FANCA: variants seen among roughly 807,000 people sequenced by gnomAD.
FANCA encodes FA complementation group A.
FANCA carries 236 observed loss-of-function variants against 194.3 expected under a neutral mutation model. That is an observed-to-expected ratio of 1.21 (90% CI 1.09 to 1.35). The LOEUF (loss-of-function observed/expected upper bound fraction) is 1.35. FANCA is among the 40% of genes most tolerant of loss of function. The probability of loss-of-function intolerance (pLI) is 0.00; values close to 1 mark genes in which losing one functional copy is unlikely to be tolerated. For synonymous variants in FANCA, 1,014 were observed against 715.8 expected, an observed-to-expected ratio of 1.42 and a Z score of -6.65; for missense variants, 2,628 against 1,813.9, an observed-to-expected ratio of 1.45 and a Z score of -8.15.
At chr16:89,739,318 C>T in intron 40 of FANCA, 29 bp from the exon 41 acceptor site, 8 of 1,613,848 alleles carry the variant, frequency 5.0e-6, no homozygotes, top group South Asian at 3.3e-5. Context: ...TGACAAATGG[C>T]TACAGACTGC....
Position 89,752,231 on chromosome 16 carries a change from A to G in FANCA, c.2982-9T>C. 1 of 1,608,782 alleles carries G rather than the reference A, an allele frequency of 6.2e-7. No homozygotes were observed. The highest frequency in any genetic ancestry group is 8.5e-7 in the Non-Finnish European group (1 of 1,175,420). On this transcript the variant is annotated splice_polypyrimidine_tract_variant and intron_variant, in intron 30 of 42. Transcript: ENST00000389301. ...GGTCATAACTCCTTGAGCTGAAATGAAAATACAATAAAATCCTCCTCAGTA... is the reference window on the plus strand; with the variant it reads ...GGTCATAACTCCTTGAGCTGAAATGGAAATACAATAAAATCCTCCTCAGTA...
At chr16:89,771,008 T>C (rs1232429238) in intron 23 of FANCA, among the ~76,000 whole-genome samples, 1 of 151,794 alleles carries the variant, frequency 6.6e-6, no homozygotes, top group East Asian at 1.9e-4. Context: ...TTACTAAAAA[T>C]ACAAAAATTA....
At chr16:89,788,195 G>A (rs1304892689) in intron 14 of FANCA, among the ~76,000 whole-genome samples, 1 of 152,146 alleles carries the variant, frequency 6.6e-6, no homozygotes, top group Non-Finnish European at 1.5e-5. Flanking sequence ...AAGTGCGTTG[G>A]CTCATGCCTG....
At position 89,783,049 on chromosome 16, in the gene FANCA, T is replaced by C. The variant is rs1396004023; in HGVS notation, c.1524A>G (p.Thr508=). 1.2e-6 allele frequency: 2 copies of C among 1,613,810 alleles called. No individual in the cohort carries two copies. The highest frequency in any genetic ancestry group is 1.7e-6 in the Non-Finnish European group (2 of 1,179,918). ...GTGTCTTGGCCAATGAGATGTAGTC[T>C]GTGAGGAGGGAGCGGTACTTGCCGG... ...LVPGKYRSLL[T]DYISLAKTRL... The change falls in exon 16 of 43, where the codon ACA becomes ACG. Residue 508 remains threonine, a synonymous_variant. Transcript: ENST00000389301.
intron 8 of FANCA, among the ~76,000 whole-genome samples, chr16:89,801,352 A>G (rs1375108180): frequency 1.3e-5 from 2 of 151,800 alleles, no homozygotes; most frequent in African/African-American, 4.8e-5. Context: ...TCAAAAAAAA[A>G]AAAAAAAAAG....
chr16:89,813,217 C>T (rs1006772697), intron 3 of FANCA, among the ~76,000 whole-genome samples: 2 of 151,752 alleles, frequency 1.3e-5, no homozygotes, highest in African/African-American at 2.4e-5. Flanking sequence ...GAGTTTGAGA[C>T]CAGCCTGGGC....
intron 10 of FANCA, among the ~76,000 whole-genome samples, chr16:89,796,751 G>A (rs533665386): frequency 4.6e-5 from 7 of 152,302 alleles, no homozygotes; most frequent in South Asian, 2.1e-4. Context: ...AGCCGGGCAC[G>A]GTGGCTCATG....
intron 30 of FANCA, among the ~76,000 whole-genome samples, chr16:89,757,765 C>G (rs1449535017): frequency 6.6e-6 from 1 of 152,260 alleles, no homozygotes; most frequent in Non-Finnish European, 1.5e-5. Flanking sequence ...CTGAGAATCC[C>G]TCTCAGATGG....
At chr16:89,759,640 G>A (rs895567308) in intron 29 of FANCA, among the ~76,000 whole-genome samples, 1 of 150,724 alleles carries the variant, frequency 6.6e-6, no homozygotes, top group Non-Finnish European at 1.5e-5. Context: ...GCCCACCTGT[G>A]GTCCCAGCTA....
chr16:89,743,319 G>A (rs188571721), intron 36 of FANCA, among the ~76,000 whole-genome samples: 191 of 152,372 alleles, frequency 1.3e-3, no homozygotes, highest in Non-Finnish European at 1.2e-3. Context: ...GAGAACAAAG[G>A]ACTGCCTGGC....
intron 21 of FANCA, 83 bp from the exon 22 acceptor site, chr16:89,773,467 T>C (rs995665286): frequency 2.1e-5 from 21 of 1,013,212 alleles, no homozygotes; most frequent in Admixed American, 1.4e-4. Context: ...CACAGTCAAA[T>C]ACAGAGCTGT....
chr16:89,747,347 G>C (rs79084002), intron 33 of FANCA, among the ~76,000 whole-genome samples: 4,293 of 152,260 alleles, frequency 0.028, 218 homozygotes, highest in African/African-American at 0.098. Flanking sequence ...GAATTCAAAG[G>C]AGACCATAGT....
intron 1 of FANCA, 103 bp downstream of exon 1, chr16:89,816,434 G>A: frequency 1.8e-6 from 2 of 1,091,916 alleles, no homozygotes; most frequent in Non-Finnish European, 2.4e-6. Flanking sequence ...GCGGCGTCCG[G>A]GGATCCGACC....
chr16:89,777,001 CAA>C (rs933852668), intron 20 of FANCA, among the ~76,000 whole-genome samples: 11 of 151,582 alleles, frequency 7.3e-5, no homozygotes, highest in African/African-American at 2.7e-4. Flanking sequence ...TATTTGAGGC[CAA>C]GAGAGAGAGA....
At chr16:89,746,033 C>G (rs1440011381) in intron 35 of FANCA, among the ~76,000 whole-genome samples, 1 of 152,150 alleles carries the variant, frequency 6.6e-6, no homozygotes, top group African/African-American at 2.4e-5. Context: ...GGAAGGGCGA[C>G]AGCTGTGGTC....
At chr16:89,752,683 G>A (rs1414262117) in intron 30 of FANCA, among the ~76,000 whole-genome samples, 1 of 152,214 alleles carries the variant, frequency 6.6e-6, no homozygotes, top group East Asian at 1.9e-4. Context: ...AGAGATAGGA[G>A]CTGAGGGGAT....
chr16:89,762,517 C>T (rs2038985110), intron 28 of FANCA: 1 of 222,110 alleles, frequency 4.5e-6, no homozygotes, highest in Non-Finnish European at 9.1e-6. Flanking sequence ...TCTCTTGAGC[C>T]CAGGAGGTCA....
At chr16:89,801,083 C>A (rs536656270) in intron 8 of FANCA, among the ~76,000 whole-genome samples, 3 of 150,210 alleles carry the variant, frequency 2.0e-5, no homozygotes, top group Non-Finnish European at 4.4e-5. Flanking sequence ...CGGTAGCCCA[C>A]GCCTATAATC....
intron 30 of FANCA, among the ~76,000 whole-genome samples, chr16:89,755,633 G>C (rs375338058): frequency 6.6e-6 from 1 of 152,104 alleles, no homozygotes; most frequent in Non-Finnish European, 1.5e-5. Context: ...AGTGAAAAAA[G>C]AATTAACAGA....
Sources: gnomAD v4.1 joint callset for allele counts (sites outside exome capture counted in the v4.1 genomes callset) on GRCh38, gnomAD v4.1.1 for gene constraint, MANE v1.5 for transcripts, NCBI Gene and HGNC (gene_info 2026-07-23, HGNC 2026-07-21) for gene names.